Variants in SNTG1 observed in about 807,000 individuals in gnomAD.
The protein encoded by SNTG1 is syntrophin gamma 1, also known as gamma-1-syntrophin.
Under a neutral mutation model 74.7 loss-of-function variants are expected in SNTG1, and 39 were observed. The observed-to-expected ratio is 0.52, with a 90% CI of 0.40 to 0.68. The LOEUF (loss-of-function observed/expected upper bound fraction) is 0.68, where lower values mean the gene tolerates loss of function less well. Among genes scored for constraint, SNTG1 ranks in the 30% least tolerant of loss-of-function variants. The probability of loss-of-function intolerance (pLI) is 0.00; values close to 1 mark genes in which losing one functional copy is unlikely to be tolerated. For missense variants in SNTG1, 685 were observed against 609.5 expected (o/e 1.12, Z -1.30); for synonymous variants, 254 against 217.1 (o/e 1.17, Z -1.49).
At chr8:50,138,541 C>T (rs1394685159) in intron 1 of SNTG1, among the ~76,000 whole-genome samples, 1 of 151,578 alleles carries the variant, frequency 6.6e-6, no homozygotes, top group Non-Finnish European at 1.5e-5. Context: ...AGGAGAATTG[C>T]TTGAACCTGG....
At chr8:49,924,520 G>A (rs1198623524) in intron 1 of SNTG1, among the ~76,000 whole-genome samples, 3 of 152,210 alleles carry the variant, frequency 2.0e-5, no homozygotes, top group South Asian at 2.1e-4. Context: ...GAGCAGAGCC[G>A]GGCTAACATA....
chr8:50,682,162 A>G (rs955113864), intron 15 of SNTG1, among the ~76,000 whole-genome samples: 3 of 152,192 alleles, frequency 2.0e-5, no homozygotes, highest in African/African-American at 7.2e-5. Flanking sequence ...CAGATGGAGT[A>G]AAGGTGAGGG....
chr8:50,755,766 G>C (rs2095578806), intron 18 of SNTG1, among the ~76,000 whole-genome samples: 1 of 151,868 alleles, frequency 6.6e-6, no homozygotes, highest in East Asian at 1.9e-4. Context: ...ACCAGTAACT[G>C]TTGTTGTCCA....
At chr8:49,915,560 A>G (rs932766275) in intron 1 of SNTG1, among the ~76,000 whole-genome samples, 11 of 152,330 alleles carry the variant, frequency 7.2e-5, no homozygotes, top group African/African-American at 2.6e-4. Context: ...ACCACATTCT[A>G]TATCAATTGG....
rs1225384438 is a variant in SNTG1 at position 50,125,754 on chromosome 8, G to A, written c.-102-46807G>A. ...CTTGTTTCCTAAGTGCTTAGTATAT[G>A]GTGTGTTACGTTGCTGTATTAAGAT... On this transcript the variant is annotated intron_variant, in intron 1 of 18. Coordinates refer to ENST00000642720, the MANE Select transcript of SNTG1 (RefSeq NM_018967.5). Among the ~76,000 whole-genome samples, 2 of 151,740 alleles carry A rather than the reference G, an allele frequency of 1.3e-5. 1 individual carries two copies. Among genetic ancestry groups the A allele is most frequent in the Non-Finnish European group, 2.9e-5 (2 of 67,930 alleles).
intron 11 of SNTG1, 137 bp from the exon 12 acceptor site, chr8:50,552,913 A>T: frequency 3.0e-6 from 3 of 1,012,384 alleles, no homozygotes; most frequent in Non-Finnish European, 4.2e-6. Flanking sequence ...ATGCTTATAA[A>T]GTCAGGTAAC....
At chr8:50,653,643 T>C (rs933050502) in intron 13 of SNTG1, among the ~76,000 whole-genome samples, 8 of 152,292 alleles carry the variant, frequency 5.3e-5, no homozygotes, top group Non-Finnish European at 1.0e-4. Context: ...TTTTATACAT[T>C]TCACTAACGT....
intron 2 of SNTG1, among the ~76,000 whole-genome samples, chr8:50,354,485 G>T (rs149805532): frequency 2.0e-4 from 30 of 152,222 alleles, no homozygotes; most frequent in African/African-American, 7.0e-4. Flanking sequence ...AATCTTGCGT[G>T]TAGTAGTTAA....
intron 2 of SNTG1, among the ~76,000 whole-genome samples, chr8:50,353,679 T>C (rs2091736136): frequency 1.3e-5 from 2 of 152,186 alleles, no homozygotes; most frequent in Admixed American, 1.3e-4. Context: ...TGTGGTGTGC[T>C]TTTATGTTGT....
intron 1 of SNTG1, among the ~76,000 whole-genome samples, chr8:50,101,933 C>T (rs958571223): frequency 6.6e-6 from 1 of 151,944 alleles, no homozygotes; most frequent in African/African-American, 2.4e-5. Context: ...GTATATGTGC[C>T]ACATTTTCTT....
chr8:50,400,299 G>A (rs2092785953), intron 3 of SNTG1, among the ~76,000 whole-genome samples: 1 of 152,164 alleles, frequency 6.6e-6, no homozygotes, highest in Non-Finnish European at 1.5e-5. Flanking sequence ...ACTTTGCAAA[G>A]TATCCTCCAT....
intron 1 of SNTG1, among the ~76,000 whole-genome samples, chr8:50,009,118 C>T (rs901973036): frequency 1.4e-4 from 21 of 152,106 alleles, no homozygotes; most frequent in Non-Finnish European, 2.8e-4. Flanking sequence ...CTATTTCAGA[C>T]TTTGCTAAAG....
intron 1 of SNTG1, among the ~76,000 whole-genome samples, chr8:49,999,722 C>T (rs191278671): frequency 1.3e-5 from 2 of 152,088 alleles, no homozygotes; most frequent in Admixed American, 6.5e-5. Flanking sequence ...GCTTTTTGCC[C>T]GTTTCCTGAA....
In SNTG1 at chr8:50,014,246, C is replaced by G. The variant is rs554154190; in HGVS notation, c.-103+102015C>G. 1.5e-3 allele frequency among the ~76,000 whole-genome samples: 225 copies of G among 152,236 alleles called. 4 individuals carry two copies. Among genetic ancestry groups the G allele is most frequent in the African/African-American group, 5.2e-3 (217 of 41,554 alleles). Reference sequence around the variant, plus strand: ...AGCACAGTCAATATTTTGTCCAAATCTGTAGCTCCCTGTGAAATCTCTGAG... The same window carrying G: ...AGCACAGTCAATATTTTGTCCAAATGTGTAGCTCCCTGTGAAATCTCTGAG... On this transcript the variant is annotated intron_variant, in intron 1 of 18. Transcript: ENST00000642720.
chr8:50,475,710 G>T (rs1254702083), intron 8 of SNTG1, among the ~76,000 whole-genome samples: 1 of 152,128 alleles, frequency 6.6e-6, no homozygotes, highest in East Asian at 1.9e-4. Context: ...TAACTAAAAA[G>T]TTTGCTGAAT....
intron 2 of SNTG1, among the ~76,000 whole-genome samples, chr8:50,393,092 TTAAG>T (rs2092684117): frequency 6.6e-6 from 1 of 152,082 alleles, no homozygotes; most frequent in Non-Finnish European, 1.5e-5. Context: ...TGAAAAATAA[TTAAG>T]TTAGTAATAA....
chr8:50,679,133 T>C (rs972558540), intron 15 of SNTG1, among the ~76,000 whole-genome samples: 2 of 152,110 alleles, frequency 1.3e-5, no homozygotes, highest in Non-Finnish European at 2.9e-5. Context: ...TCATAGAAAC[T>C]AAGACAAGTT....
At chr8:50,328,877 C>G (rs2130862743) in intron 2 of SNTG1, among the ~76,000 whole-genome samples, 1 of 152,290 alleles carries the variant, frequency 6.6e-6, no homozygotes, top group East Asian at 1.9e-4. Flanking sequence ...AAATTATCAT[C>G]TCAGACAAGG....
intron 1 of SNTG1, among the ~76,000 whole-genome samples, chr8:49,999,620 T>A (rs1282098935): frequency 1.3e-5 from 2 of 152,118 alleles, no homozygotes; most frequent in Non-Finnish European, 2.9e-5. Flanking sequence ...GCACCTGCGA[T>A]TCCATGTGCC....
Sources: allele counts gnomAD v4.1 joint callset (sites outside exome capture counted in the v4.1 genomes callset), GRCh38; gene constraint gnomAD v4.1.1; transcripts MANE v1.5; gene names NCBI Gene and HGNC (gene_info 2026-07-23, HGNC 2026-07-21).